KAZN: variants seen among roughly 807,000 people sequenced by gnomAD.
KAZN encodes kazrin, periplakin interacting protein, also known as kazrin.
KAZN carries 40 observed loss-of-function variants against 87.4 expected under a neutral mutation model. That is an observed-to-expected ratio of 0.46 (90% CI 0.36 to 0.60). KAZN has a LOEUF of 0.60. Ranked by LOEUF, KAZN falls within the 20% of genes least tolerant of loss-of-function variation. KAZN has a pLI of 0.00. For missense variants in KAZN, 898 were observed against 1,073.9 expected (o/e 0.84, Z 2.29); for synonymous variants, 466 against 458.3 (o/e 1.02, Z -0.22).
chr1:14,709,623 TCCTTCAGCAAGTTG>T (rs1289375900), intron 1 of KAZN, among the ~76,000 whole-genome samples: 1 of 152,164 alleles, frequency 6.6e-6, no homozygotes, highest in Non-Finnish European at 1.5e-5. Flanking sequence ...GGGCTGGTCT[TCCTTCAGCAAGTTG>T]GTCATCTTCA....
intron 1 of KAZN, among the ~76,000 whole-genome samples, chr1:14,886,235 A>C (rs1016700879): frequency 6.6e-6 from 1 of 151,986 alleles, no homozygotes; most frequent in Non-Finnish European, 1.5e-5. Flanking sequence ...CGGCCTGGGC[A>C]ACACAGCCAT....
chr1:14,401,014 A>G (rs781680934), intron 2 of KAZN, among the ~76,000 whole-genome samples: 1 of 152,224 alleles, frequency 6.6e-6, no homozygotes, highest in Non-Finnish European at 1.5e-5. Context: ...ATTTTGTTCC[A>G]AAAACAAGGA....
At chr1:14,478,017 A>T (rs1557747328) in intron 2 of KAZN, among the ~76,000 whole-genome samples, 1 of 152,092 alleles carries the variant, frequency 6.6e-6, no homozygotes. Flanking sequence ...GGTGAAAATC[A>T]CCAAGCAGCA....
intron 2 of KAZN, among the ~76,000 whole-genome samples, chr1:14,351,230 A>G (rs1049350798): frequency 6.6e-6 from 1 of 152,182 alleles, no homozygotes; most frequent in Non-Finnish European, 1.5e-5. Context: ...AAGAGGGGAA[A>G]CTGCTTTTCT....
intron 1 of KAZN, among the ~76,000 whole-genome samples, chr1:14,170,386 A>G (rs1201121588): frequency 2.6e-5 from 4 of 152,186 alleles, no homozygotes; most frequent in Non-Finnish European, 4.4e-5. Context: ...AAGAAAAAAA[A>G]AAATAGGTCT....
chr1:14,512,639 A>G lies in KAZN; in HGVS notation c.250-86344A>G, dbSNP rs572180466. The stretch of plus-strand genomic sequence containing the variant: ...TAAAGCCCCAGAAAAGCTAAGGCCC[A>G]TCCCCAAGGTCACACAGTTCGCCGG... On this transcript the variant is annotated intron_variant, in intron 2 of 16. Transcript: ENST00000636203. Among the ~76,000 whole-genome samples, 19 of 152,322 alleles carry G rather than the reference A, an allele frequency of 1.2e-4. No individual in the cohort carries two copies. The South Asian group carries it at 3.5e-3, about 28-fold the overall frequency.
intron 2 of KAZN, among the ~76,000 whole-genome samples, chr1:14,419,464 A>AT (rs1665170138): frequency 6.6e-6 from 1 of 152,144 alleles, no homozygotes; most frequent in African/African-American, 2.4e-5. Context: ...AAGCCACTCC[A>AT]TGAAGCACTC....
intron 1 of KAZN, among the ~76,000 whole-genome samples, chr1:14,710,510 G>A (rs147885333): frequency 3.7e-3 from 569 of 152,186 alleles, no homozygotes; most frequent in Non-Finnish European, 6.6e-3. Flanking sequence ...CACTGCGTTA[G>A]AGCTTAGCCA....
intron 2 of KAZN, among the ~76,000 whole-genome samples, chr1:14,367,467 G>C (rs545914453): frequency 6.6e-6 from 1 of 152,236 alleles, no homozygotes; most frequent in South Asian, 2.1e-4. Context: ...ACAGGATGGG[G>C]GGCGGGCTGG....
chr1:14,138,314 G>A (rs1271918774), intron 1 of KAZN, among the ~76,000 whole-genome samples: 3 of 152,130 alleles, frequency 2.0e-5, no homozygotes, highest in African/African-American at 7.2e-5. Flanking sequence ...CATCAAGCTG[G>A]TAGCCACAGG....
chr1:14,503,999 AC>A (rs1335560069), intron 2 of KAZN, among the ~76,000 whole-genome samples: 2 of 151,996 alleles, frequency 1.3e-5, no homozygotes, highest in Admixed American at 6.5e-5. Context: ...GGAAGCCCTC[AC>A]TCTCAAGGTT....
chr1:14,250,707 CTAAA>C (rs1649948024), intron 2 of KAZN, among the ~76,000 whole-genome samples: 1 of 151,902 alleles, frequency 6.6e-6, no homozygotes, highest in South Asian at 2.1e-4. Context: ...ATCCATGAAA[CTAAA>C]TATTTCCTGC....
intron 2 of KAZN, among the ~76,000 whole-genome samples, chr1:14,412,826 G>T (rs1360239399): frequency 6.6e-6 from 1 of 151,344 alleles, no homozygotes; most frequent in Non-Finnish European, 1.5e-5. Context: ...ACAATATGGG[G>T]AGGGGATTTT....
chr1:14,403,376 T>C (rs1309257239), intron 2 of KAZN, among the ~76,000 whole-genome samples: 3 of 151,484 alleles, frequency 2.0e-5, no homozygotes, highest in Admixed American at 6.6e-5. Flanking sequence ...CAAGAGTTCT[T>C]AGTAAAGATC....
intron 6 of KAZN, chr1:15,061,386 G>T (rs369889566): frequency 6.6e-6 from 1 of 152,332 alleles, no homozygotes; most frequent in Non-Finnish European, 1.5e-5. Flanking sequence ...CAGAGAAGCT[G>T]CCTCAGTCTG....
chr1:14,763,950 T>C (rs1644813113), intron 1 of KAZN, among the ~76,000 whole-genome samples: 1 of 152,180 alleles, frequency 6.6e-6, no homozygotes, highest in Non-Finnish European at 1.5e-5. Context: ...GGTTTCAACA[T>C]GTTGGCCAGG....
At position 14,773,473 on chromosome 1, in the gene KAZN, C is replaced by T. The variant is rs532702905; in HGVS notation, c.226+174250C>T. Reference sequence around the variant, plus strand: ...TGCACTAAGGTGTGAAACGTAAACACCCCCGAGGGAGGAAGGCCCTTCCAG... The same window carrying T: ...TGCACTAAGGTGTGAAACGTAAACATCCCCGAGGGAGGAAGGCCCTTCCAG... On this transcript the variant is annotated intron_variant, in intron 1 of 14. Transcript: ENST00000376030. The surrounding 1 kb of genome is among the most constrained non-coding windows in gnomAD (Gnocchi z 5.9). Among the ~76,000 whole-genome samples, 2 of 152,130 alleles carry T rather than the reference C, an allele frequency of 1.3e-5. No homozygotes were observed. Among genetic ancestry groups the T allele is most frequent in the African/African-American group, 4.8e-5 (2 of 41,422 alleles).
chr1:14,706,233 T>C (rs1169323037), intron 1 of KAZN, among the ~76,000 whole-genome samples: 1 of 152,160 alleles, frequency 6.6e-6, no homozygotes, highest in African/African-American at 2.4e-5. Context: ...TTCTATATTA[T>C]GGTGACTTGT....
chr1:14,061,603 G>C (rs899007571), intron 1 of KAZN, among the ~76,000 whole-genome samples: 3 of 152,218 alleles, frequency 2.0e-5, no homozygotes, highest in African/African-American at 4.8e-5. Flanking sequence ...CACCCTGAGG[G>C]CAACAGGGAG....
Sources: gnomAD v4.1 joint callset for allele counts (sites outside exome capture counted in the v4.1 genomes callset) on GRCh38, gnomAD v4.1.1 for gene constraint, Gnocchi (gnomAD v3.1) non-coding constraint, MANE v1.5 for transcripts, NCBI Gene and HGNC (gene_info 2026-07-23, HGNC 2026-07-21) for gene names.